The following TMEM132B variants were observed in gnomAD, a reference collection of about 807,000 sequenced individuals.
TMEM132B encodes transmembrane protein 132B.
TMEM132B carries 18 observed loss-of-function variants against 90.8 expected under a neutral mutation model. The observed-to-expected ratio is 0.20, with a 90% confidence interval of 0.14 to 0.29. TMEM132B has a LOEUF of 0.29. Ranked by LOEUF, TMEM132B falls within the 10% of genes least tolerant of loss-of-function variation. The pLI, the probability that TMEM132B is intolerant of heterozygous loss-of-function variation, is 1.00. For missense variants in TMEM132B, 1,096 were observed against 1,326.8 expected, an observed-to-expected ratio of 0.83 and a Z score of 2.70; for synonymous variants, 504 against 523.3, an observed-to-expected ratio of 0.96 and a Z score of 0.50.
intron 1 of TMEM132B, among the ~76,000 whole-genome samples, chr12:125,235,970 ATGT>A (rs970468302): frequency 4.0e-5 from 6 of 149,476 alleles, no homozygotes; most frequent in African/African-American, 1.2e-4. Flanking sequence ...TGCCCGATTA[ATGT>A]TGTATTTTTA....
intron 5 of TMEM132B, among the ~76,000 whole-genome samples, chr12:125,613,355 T>G (rs1439706593): frequency 6.7e-6 from 1 of 149,976 alleles, no homozygotes; most frequent in African/African-American, 2.5e-5. Context: ...GAATTCAAAA[T>G]ATTTCTCCTG....
Position 125,297,090 on chromosome 12 carries a change from G to A in TMEM132B, c.68-52362G>A, listed in dbSNP as rs938651082. On this transcript the variant is annotated intron_variant, in intron 1 of 8. Coordinates refer to ENST00000682704, the MANE Select transcript of TMEM132B (RefSeq NM_001366854.1). ...TTCTCTAGGCTAAGGGGAGGGTGAC[G>A]GAGCTGGAGGTTGCTGTGCTGGCCA... 7.2e-5 allele frequency among the ~76,000 whole-genome samples: 11 copies of A among 152,184 alleles called. No homozygotes were observed. In the East Asian group the frequency reaches 1.5e-3, roughly 21 times the overall value.
chr12:125,478,252 G>C (rs191340299), intron 3 of TMEM132B, among the ~76,000 whole-genome samples: 25 of 152,336 alleles, frequency 1.6e-4, no homozygotes, highest in Non-Finnish European at 2.9e-4. Flanking sequence ...GAACAAAGCA[G>C]GATGGAGAAT....
In TMEM132B at chr12:125,433,523, C is replaced by CT. The variant is rs146762776; in HGVS notation, c.1106+17855dup. Among the ~76,000 whole-genome samples, 117 of 144,212 alleles carry CT rather than the reference C, an allele frequency of 8.1e-4. No homozygotes were observed. In the East Asian group the frequency reaches 9.5e-3, roughly 12 times the overall value. The allele number at this position is 144,212 out of a possible 152,430, so 94.6% of individuals were successfully genotyped here. A position where few individuals can be genotyped will look rare whatever the true frequency, so the allele number is the denominator to read the frequency against. The stretch of plus-strand genomic sequence containing the variant: ...TTGTATTTTCTTTTTTTTTTTTTGT[C>CT]TTTTTTTTTATTATACTTTAAGTTT... On this transcript the variant is annotated intron_variant, in intron 3 of 8. Coordinates refer to ENST00000682704, the MANE Select transcript of TMEM132B (RefSeq NM_001366854.1).
At chr12:125,550,167 CTAGCT>C (rs1235351504) in intron 4 of TMEM132B, among the ~76,000 whole-genome samples, 1 of 152,232 alleles carries the variant, frequency 6.6e-6, no homozygotes, top group African/African-American at 2.4e-5. Context: ...ACTCTGCTTA[CTAGCT>C]GGGGACCAGC....
intron 4 of TMEM132B, among the ~76,000 whole-genome samples, chr12:125,565,246 G>T (rs1456933134): frequency 6.6e-6 from 1 of 152,156 alleles, no homozygotes; most frequent in East Asian, 1.9e-4. Flanking sequence ...GACCCGCCTT[G>T]CAGGATGCGA....
intron 3 of TMEM132B, among the ~76,000 whole-genome samples, chr12:125,495,317 C>T (rs1415378302): frequency 4.0e-5 from 6 of 150,150 alleles, no homozygotes; most frequent in African/African-American, 9.8e-5. Context: ...CCCTCCTCCC[C>T]CTCCTCCCTG....
chr12:125,422,548 T>A (rs1880199453), intron 3 of TMEM132B, among the ~76,000 whole-genome samples: 2 of 152,184 alleles, frequency 1.3e-5, no homozygotes, highest in African/African-American at 4.8e-5. Flanking sequence ...GTCTATGTCC[T>A]CCTCCCCAGA....
intron 5 of TMEM132B, among the ~76,000 whole-genome samples, chr12:125,621,934 A>G (rs1003244906): frequency 1.3e-5 from 2 of 152,218 alleles, no homozygotes; most frequent in Non-Finnish European, 2.9e-5. Flanking sequence ...CTTTAAAACT[A>G]TATATAACTT....
At chr12:125,312,674 C>T (rs1194206917) in intron 1 of TMEM132B, among the ~76,000 whole-genome samples, 1 of 152,196 alleles carries the variant, frequency 6.6e-6, no homozygotes, top group Non-Finnish European at 1.5e-5. Context: ...GGGACAGTCA[C>T]TGAGAAATGT....
chr12:125,494,251 T>C (rs111121827), intron 3 of TMEM132B, among the ~76,000 whole-genome samples: 38,004 of 69,772 alleles, frequency 0.54, 8,457 homozygotes, highest in Middle Eastern at 0.63. Flanking sequence ...CGTGTCCCTC[T>C]TCCCCCTCCT....
intron 1 of TMEM132B, among the ~76,000 whole-genome samples, chr12:125,328,447 C>T (rs1876659511): frequency 6.6e-6 from 1 of 152,214 alleles, no homozygotes; most frequent in African/African-American, 2.4e-5. Flanking sequence ...TACGTTTATT[C>T]TCTTTTGAAG....
chr12:125,514,464 C>A (rs1030609712), intron 3 of TMEM132B, among the ~76,000 whole-genome samples: 1 of 152,164 alleles, frequency 6.6e-6, no homozygotes, highest in Non-Finnish European at 1.5e-5. Flanking sequence ...GTAATCATCA[C>A]TCAGTAGTTT....
chr12:125,621,833 A>AT (rs1405146399), intron 5 of TMEM132B, among the ~76,000 whole-genome samples: 2 of 152,238 alleles, frequency 1.3e-5, no homozygotes, highest in African/African-American at 4.8e-5. Flanking sequence ...CTCTGGCATC[A>AT]TGCTATACAT....
intron 1 of TMEM132B, among the ~76,000 whole-genome samples, chr12:125,199,921 C>T (rs1289406076): frequency 1.3e-5 from 2 of 152,192 alleles, no homozygotes; most frequent in African/African-American, 4.8e-5. Flanking sequence ...AGTCACATGG[C>T]TACATCTTGC....
chr12:125,434,766 C>T (rs1362907409), intron 3 of TMEM132B, among the ~76,000 whole-genome samples: 1 of 152,224 alleles, frequency 6.6e-6, no homozygotes, highest in African/African-American at 2.4e-5. Flanking sequence ...TCTGCCTTCT[C>T]AGATTTTCCT....
rs1371024762 is a variant in TMEM132B at position 125,186,523 on chromosome 12, G to C, written c.-277G>C. On this transcript the variant is annotated 5_prime_UTR_variant, in exon 1 of 9. Transcript: ENST00000682704. The surrounding 1 kb of genome is among the most constrained non-coding windows in gnomAD (Gnocchi z 6.3). ...GGCGGCGGCGGGGGCCGCGCAACTC[G>C]GGCCAACTGCGGGGCAGCCGGCCAG... is the stretch of plus-strand genomic sequence containing the variant. Among the ~76,000 whole-genome samples, 2 of 146,518 alleles carry C rather than the reference G, an allele frequency of 1.4e-5. No individual in the cohort carries two copies. The highest frequency in any genetic ancestry group is 6.8e-5 in the Admixed American group (1 of 14,742).
chr12:125,285,444 G>A (rs901103270), intron 1 of TMEM132B, among the ~76,000 whole-genome samples: 5 of 152,218 alleles, frequency 3.3e-5, no homozygotes, highest in African/African-American at 1.2e-4. Context: ...GCCCCAGTGA[G>A]TAGTCCTGGG....
intron 2 of TMEM132B, among the ~76,000 whole-genome samples, chr12:125,387,203 G>A (rs1460276086): frequency 6.6e-6 from 1 of 152,148 alleles, no homozygotes; most frequent in Non-Finnish European, 1.5e-5. Flanking sequence ...CATTGCATAG[G>A]AAGTCTCTCT....
Sources: gnomAD v4.1 joint callset for allele counts (sites outside exome capture counted in the v4.1 genomes callset) on GRCh38, gnomAD v4.1.1 for gene constraint, Gnocchi (gnomAD v3.1) non-coding constraint, MANE v1.5 for transcripts, NCBI Gene and HGNC (gene_info 2026-07-23, HGNC 2026-07-21) for gene names.